MALT1: variants seen among roughly 807,000 people sequenced by gnomAD.
MALT1 encodes the protein mucosa-associated lymphoid tissue lymphoma translocation protein 1.
MALT1 carries 36 observed loss-of-function variants against 85.5 expected under a neutral mutation model. That is an observed-to-expected ratio of 0.42 (90% CI 0.32 to 0.56). The LOEUF is 0.56. Ranked by LOEUF, MALT1 falls within the 20% of genes least tolerant of loss-of-function variation. The pLI is 0.10. For synonymous variants in MALT1, 359 were observed against 361.3 expected (o/e 0.99, Z 0.07); for missense variants, 716 against 981.6 (o/e 0.73, Z 3.62).
intron 10 of MALT1, among the ~76,000 whole-genome samples, chr18:58,731,171 T>C (rs1276547435): frequency 6.6e-6 from 1 of 152,216 alleles, no homozygotes; most frequent in Non-Finnish European, 1.5e-5. Flanking sequence ...CAGGCTGGTC[T>C]TGAACTCCTG....
chr18:58,736,377 TTTTA>T (rs1349616269), intron 13 of MALT1, among the ~76,000 whole-genome samples: 3 of 152,182 alleles, frequency 2.0e-5, no homozygotes, highest in Non-Finnish European at 2.9e-5. Flanking sequence ...GAAGTTCCAC[TTTTA>T]TTTGTTTTCT....
intron 9 of MALT1, among the ~76,000 whole-genome samples, chr18:58,717,230 G>T (rs989304235): frequency 6.6e-6 from 1 of 152,004 alleles, no homozygotes; most frequent in African/African-American, 2.4e-5. Context: ...GGGCATTGTG[G>T]TGCATGCCTG....
At chr18:58,709,762 A>AT (rs2054806255) in intron 5 of MALT1, among the ~76,000 whole-genome samples, 1 of 152,218 alleles carries the variant, frequency 6.6e-6, no homozygotes, top group Admixed American at 6.5e-5. Flanking sequence ...TATATGTAAA[A>AT]TGTCAAATAG....
intron 14 of MALT1, among the ~76,000 whole-genome samples, chr18:58,742,273 A>G (rs2055311776): frequency 6.6e-6 from 1 of 152,208 alleles, no homozygotes; most frequent in African/African-American, 2.4e-5. Context: ...TATTTTTAAA[A>G]TAGGTTAAGT....
rs971605476 is a variant in MALT1 at position 58,713,988 on chromosome 18, T to C, written c.959-95T>C. ...TGTAAACTGATAAAACACTATAACA[T>C]GATTCACTGGCTCAAAACTACTTGG... On this transcript the variant is annotated intron_variant, in intron 7 of 16. Coordinates refer to ENST00000649217, the MANE Select transcript of MALT1 (RefSeq NM_006785.4). 4.0e-5 allele frequency: 26 copies of C among 646,078 alleles called. No individual in the cohort carries two copies. In the Middle Eastern group the frequency reaches 7.6e-4, roughly 19 times the overall value. 40.0% of individuals were successfully genotyped at this position (646,078 alleles called of 1,614,324 possible). A position where few individuals can be genotyped will look rare whatever the true frequency, so the allele number is the denominator to read the frequency against.
intron 13 of MALT1, among the ~76,000 whole-genome samples, chr18:58,737,771 T>G (rs1037491029): frequency 6.6e-6 from 1 of 151,930 alleles, no homozygotes; most frequent in Non-Finnish European, 1.5e-5. Flanking sequence ...TTGGTAGAGA[T>G]AGGGTTTCGC....
In MALT1 at chr18:58,688,319, C is replaced by CAT. The variant is rs1375082191; in HGVS notation, c.376+6984_376+6985insTA. Among the ~76,000 whole-genome samples the CAT allele has an allele frequency of 7.1e-5, 10 of 140,794 alleles. No homozygotes were observed. The East Asian group carries it at 2.3e-3, about 32-fold the overall frequency. 92.4% of individuals were successfully genotyped at this position (140,794 alleles called of 152,430 possible). ...TATGTTACACACACACACACACACA[C>CAT]ACACACACGCTTATTAATAAAGTTG... is the stretch of plus-strand genomic sequence containing the variant. On this transcript the variant is annotated intron_variant, in intron 2 of 16. Transcript: ENST00000649217.
chr18:58,690,775 C>T (rs1398052478), intron 2 of MALT1: 7 of 206,990 alleles, frequency 3.4e-5, no homozygotes, highest in Admixed American at 1.5e-4. Flanking sequence ...TCTGGCTTAC[C>T]GAGGCCAAGT....
In MALT1 at chr18:58,748,698, AATG is replaced by A. The variant is rs1355503660; in HGVS notation, c.*858_*860del. 24 of 194,106 alleles carry A rather than the reference AATG, an allele frequency of 1.2e-4. No individual in the cohort carries two copies. The highest frequency in any genetic ancestry group is 5.3e-4 in the African/African-American group (23 of 43,234). 12.0% of individuals were successfully genotyped at this position (194,106 alleles called of 1,614,324 possible). On this transcript the variant is annotated 3_prime_UTR_variant, in exon 17 of 17. Coordinates refer to ENST00000649217, the MANE Select transcript of MALT1 (RefSeq NM_006785.4). ...TTTTCTTCTTGAATTTCACTGGCCTAATGAGATAATACTCTTATCTTTGGCTCT... is the reference window on the plus strand; with the variant it reads ...TTTTCTTCTTGAATTTCACTGGCCTAAGATAATACTCTTATCTTTGGCTCT...
At chr18:58,714,035 A>G (rs747941715) in intron 7 of MALT1, 48 bp from the exon 8 acceptor site, 1 of 893,004 alleles carries the variant, frequency 1.1e-6, no homozygotes. Context: ...TATTTGTGCT[A>G]AATTGGTGTT....
At chr18:58,711,594 T>A (rs2054831892) in intron 7 of MALT1, among the ~76,000 whole-genome samples, 1 of 152,186 alleles carries the variant, frequency 6.6e-6, no homozygotes, top group South Asian at 2.1e-4. Context: ...GTACTTAAAT[T>A]GTAATGAGTA....
intron 10 of MALT1, among the ~76,000 whole-genome samples, chr18:58,725,832 G>A (rs112709726): frequency 0.028 from 4,195 of 152,122 alleles, 166 homozygotes; most frequent in African/African-American, 0.094. Context: ...AGGCCAAGGC[G>A]GGCAGATCAC....
At chr18:58,692,407 C>CCTCTCTCTCTCTCTCTCTCTCTCTCTCT in intron 2 of MALT1, among the ~76,000 whole-genome samples, 1 of 130,458 alleles carries the variant, frequency 7.7e-6, no homozygotes, top group East Asian at 2.5e-4. Flanking sequence ...ACTGGCCATT[C>CCTCTCTCTCTCTCTCTCTCTCTCTCTCT]CTCTCTCTCT....
At chr18:58,677,203 A>G (rs1293916313) in intron 1 of MALT1, among the ~76,000 whole-genome samples, 2 of 152,108 alleles carry the variant, frequency 1.3e-5, no homozygotes, top group African/African-American at 2.4e-5. Context: ...ACAAAAAGAG[A>G]TACAGAGTCT....
At position 58,741,845 on chromosome 18, in the gene MALT1, T is replaced by G; in HGVS notation, c.1604-20T>G. On this transcript the variant is annotated intron_variant, in intron 13 of 16. Transcript: ENST00000649217. ...AGAATTGGTGGTCTTAAAAATAATA[T>G]TTATTTTCATATCTTTTAGATATGG... 1.4e-6 allele frequency: 2 copies of G among 1,418,966 alleles called. No homozygotes were observed. The highest frequency in any genetic ancestry group is 1.9e-6 in the Non-Finnish European group (2 of 1,046,358). 87.9% of individuals were successfully genotyped at this position (1,418,966 alleles called of 1,614,324 possible).
chr18:58,734,495 G>T, intron 12 of MALT1, 114 bp downstream of exon 12: 1 of 759,382 alleles, frequency 1.3e-6, no homozygotes. Flanking sequence ...GTGCAGAGGC[G>T]CCATCATAGC....
chr18:58,731,585 C>T (rs1376482093), intron 10 of MALT1, among the ~76,000 whole-genome samples: 4 of 152,230 alleles, frequency 2.6e-5, no homozygotes, highest in African/African-American at 7.2e-5. Context: ...TAATCTACCT[C>T]GCTCTCTCTC....
At chr18:58,694,816 C>T (rs1053376405) in intron 2 of MALT1, among the ~76,000 whole-genome samples, 3 of 152,182 alleles carry the variant, frequency 2.0e-5, no homozygotes, top group Non-Finnish European at 4.4e-5. Context: ...GAAGGTTTCC[C>T]CAGGGTTGGA....
chr18:58,730,305 A>G (rs185874695), intron 10 of MALT1, among the ~76,000 whole-genome samples: 72 of 152,098 alleles, frequency 4.7e-4, no homozygotes, highest in Admixed American at 4.1e-3. Flanking sequence ...ATTAACAGTC[A>G]CTCCCATTCC....
Sources: gnomAD v4.1 joint callset for allele counts (sites outside exome capture counted in the v4.1 genomes callset) on GRCh38, gnomAD v4.1.1 for gene constraint, MANE v1.5 for transcripts, NCBI Gene and HGNC (gene_info 2026-07-23, HGNC 2026-07-21) for gene names.